Variants in MEX3D observed in about 807,000 individuals in gnomAD.
MEX3D encodes RNA-binding protein MEX3D.
In MEX3D, 4 loss-of-function variants were observed where a neutral mutation model predicts 6.3. The observed-to-expected ratio is 0.64, with a 90% CI of 0.31 to 1.46. MEX3D has a LOEUF of 1.46. MEX3D is among the 40% of genes most tolerant of loss of function. The pLI, the probability that MEX3D is intolerant of heterozygous loss-of-function variation, is 0.07. For missense variants in MEX3D, 1,038 were observed against 994.4 expected, an observed-to-expected ratio of 1.04 and a Z score of -0.59; for synonymous variants, 626 against 494.1, an observed-to-expected ratio of 1.27 and a Z score of -3.54.
At chr19:1,559,753 C>T (rs1046114779) in intron 1 of MEX3D, among the ~76,000 whole-genome samples, 1 of 152,172 alleles carries the variant, frequency 6.6e-6, no homozygotes, top group Non-Finnish European at 1.5e-5. Flanking sequence ...CAGAAACTGC[C>T]TGGGCCAGGA....
intron 1 of MEX3D, among the ~76,000 whole-genome samples, chr19:1,563,387 C>T (rs1178668452): frequency 6.6e-6 from 1 of 152,192 alleles, no homozygotes; most frequent in African/African-American, 2.4e-5. Context: ...GAGCAGCTTC[C>T]AGTCCAGGCC....
At chr19:1,561,631 G>A (rs1914720805) in intron 1 of MEX3D, among the ~76,000 whole-genome samples, 1 of 151,956 alleles carries the variant, frequency 6.6e-6, no homozygotes, top group Admixed American at 6.6e-5. Context: ...GAGGCCAGGA[G>A]TTCGAGACCA....
intron 1 of MEX3D, among the ~76,000 whole-genome samples, chr19:1,557,374 G>A (rs576779606): frequency 3.3e-5 from 5 of 151,792 alleles, no homozygotes; most frequent in South Asian, 2.1e-4. Context: ...AAACCAGCCT[G>A]GCCAACATGG....
chr19:1,555,878 C>T lies in MEX3D; in HGVS notation c.1641G>A (p.Gln547=). Residue 547 remains glutamine, a synonymous_variant, in exon 2 of 2, where the codon CAG becomes CAA. Transcript: ENST00000402693. ...PVGALSWRPP[Q]GPVSFPGGAA... is the part of the protein sequence containing the mutation. ...CGCCGCCTGGGAAGGATACGGGGCCCTGCGGGGGTCGCCAGGACAGCGCGC... is the reference window on the plus strand; with the variant it reads ...CGCCGCCTGGGAAGGATACGGGGCCTTGCGGGGGTCGCCAGGACAGCGCGC... The T allele has an allele frequency of 7.7e-7, 1 of 1,301,268 alleles. No homozygotes were observed. The highest frequency in any genetic ancestry group is 9.7e-7 in the Non-Finnish European group (1 of 1,027,682). The allele number at this position is 1,301,268 out of a possible 1,614,324, so 80.6% of individuals were successfully genotyped here.
Position 1,557,581 on chromosome 19 carries a change from C to T in MEX3D, c.596-658G>A, listed in dbSNP as rs1335824839. 6.5e-5 allele frequency among the ~76,000 whole-genome samples: 9 copies of T among 137,792 alleles called. 1 individual carries two copies. Among genetic ancestry groups the T allele is most frequent in the East Asian group, 2.2e-4 (1 of 4,602 alleles). The allele number at this position is 137,792 out of a possible 152,430, so 90.4% of individuals were successfully genotyped here. A position where few individuals can be genotyped will look rare whatever the true frequency, so the allele number is the denominator to read the frequency against. On this transcript the variant is annotated intron_variant, in intron 1 of 1. Coordinates refer to ENST00000402693, the MANE Select transcript of MEX3D (RefSeq NM_203304.4). ...ACTCCAACTAAAAAAAAAAAAAAAG[C>T]GGGGTGCAGTGGCTCACCCCTGTAA...
intron 1 of MEX3D, among the ~76,000 whole-genome samples, chr19:1,565,537 G>C (rs1026977170): frequency 6.6e-6 from 1 of 152,148 alleles, no homozygotes; most frequent in Non-Finnish European, 1.5e-5. Flanking sequence ...GCGAAACTCC[G>C]TCTCATAAAT....
At position 1,567,997 on chromosome 19, in the gene MEX3D, ACGCCGCCGC is replaced by A. The variant is rs1032675165; in HGVS notation, c.53_61del (p.Gly18_Gly20del). The A allele has an allele frequency of 4.1e-6, 4 of 965,280 alleles. No homozygotes were observed. The highest frequency in any genetic ancestry group is 4.9e-6 in the Non-Finnish European group (4 of 822,108). The allele number at this position is 965,280 out of a possible 1,614,324, so 59.8% of individuals were successfully genotyped here. On this transcript the variant is annotated inframe_deletion, in exon 1 of 2. Coordinates refer to ENST00000402693, the MANE Select transcript of MEX3D (RefSeq NM_203304.4). The surrounding 1 kb of genome is among the most constrained non-coding windows in gnomAD (Gnocchi z 6.5). ...TCCGGGGTCCTCCCCCGCCGCCCCC[ACGCCGCCGC>A]CGCCGCCGCCCCCGCCCCCGCCGCC... is the stretch of plus-strand genomic sequence containing the variant.
chr19:1,555,413 C>T lies in MEX3D; in HGVS notation c.*150G>A, dbSNP rs1797148030. ...GCCTGAGGCGGCAGTTAAAGCTCATCTGTAAACACTGGCCGCCGCCCACCC... is the reference window on the plus strand; with the variant it reads ...GCCTGAGGCGGCAGTTAAAGCTCATTTGTAAACACTGGCCGCCGCCCACCC... On this transcript the variant is annotated 3_prime_UTR_variant, in exon 2 of 2. Coordinates refer to ENST00000402693, the MANE Select transcript of MEX3D (RefSeq NM_203304.4). 6.3e-7 allele frequency: 1 copy of T among 1,597,736 alleles called. No homozygotes were observed. The highest frequency in any genetic ancestry group is 1.8e-4 in the Middle Eastern group (1 of 5,482).
intron 1 of MEX3D, among the ~76,000 whole-genome samples, chr19:1,566,405 G>T (rs1330760252): frequency 4.6e-5 from 7 of 152,180 alleles, no homozygotes; most frequent in Admixed American, 6.5e-5. Flanking sequence ...GGCCATAGAT[G>T]ACCTTGCAAT....
In MEX3D at chr19:1,555,908, C is replaced by T. The variant is rs1267494833; in HGVS notation, c.1611G>A (p.Pro537=). 9 of 1,220,504 alleles carry T rather than the reference C, an allele frequency of 7.4e-6. No individual in the cohort carries two copies. Among genetic ancestry groups the T allele is most frequent in the African/African-American group, 1.6e-5 (1 of 62,082 alleles). 75.6% of individuals were successfully genotyped at this position (1,220,504 alleles called of 1,614,324 possible). ...LPLSRRGAPD[P]VGALSWRPPQ... is the part of the protein sequence containing the mutation. ...GGGGTCGCCAGGACAGCGCGCCCAC[C>T]GGGTCCGGGGCGCCACGGCGAGACA... Residue 537 remains proline, a synonymous_variant, in exon 2 of 2, where the codon CCG becomes CCA. Coordinates refer to ENST00000402693, the MANE Select transcript of MEX3D (RefSeq NM_203304.4).
chr19:1,565,582 T>A (rs1412028860), intron 1 of MEX3D, among the ~76,000 whole-genome samples: 5 of 152,122 alleles, frequency 3.3e-5, no homozygotes, highest in African/African-American at 1.2e-4. Context: ...CCCAGAATCC[T>A]CTACCCTAAT....
rs1358117612 is a variant in MEX3D, at chr19:1,555,775, C to G, written c.1744G>C (p.Glu582Gln). Residue 582 changes from glutamate to glutamine, a missense_variant, in exon 2 of 2, where the codon GAG (glutamate) becomes CAG (glutamine). Physicochemically the swap from Glu to Gln is conservative, Grantham distance 29 (BLOSUM62 2). This residue lies in a region of MEX3D where 581 missense variants were observed against 516.2 expected (regional missense o/e 1.13). Coordinates refer to ENST00000402693, the MANE Select transcript of MEX3D (RefSeq NM_203304.4). Reference protein sequence around the residue: ...ACAPLDSGASENSRKPPSASS... With the variant: ...ACAPLDSGASQNSRKPPSASS... ...GCCGAAGGGGGCTTGCGGCTGTTCT[C>G]GGAGGCGCCGGAGTCCAGGGGGGCG... The G allele has an allele frequency of 1.2e-5, 17 of 1,456,606 alleles. No individual in the cohort carries two copies. The East Asian group carries it at 2.8e-4, about 24-fold the overall frequency. The allele number at this position is 1,456,606 out of a possible 1,614,324, so 90.2% of individuals were successfully genotyped here. A position where few individuals can be genotyped will look rare whatever the true frequency, so the allele number is the denominator to read the frequency against.
chr19:1,558,657 T>C (rs1200588901), intron 1 of MEX3D, among the ~76,000 whole-genome samples: 2 of 152,204 alleles, frequency 1.3e-5, no homozygotes, highest in Non-Finnish European at 2.9e-5. Flanking sequence ...GAAATTCAGA[T>C]TGTGGAAACT....
rs1290510046 is a variant in MEX3D at position 1,567,719 on chromosome 19, T to G, written c.340A>C (p.Thr114Pro). Residue 114 changes from threonine to proline, a missense_variant, in exon 1 of 2, where the codon ACC (threonine) becomes CCC (proline). Thr to Pro is a conservative substitution (Grantham distance 38). Around this residue, in one of 5 missense-constraint regions of MEX3D, gnomAD observed 265 missense variants for 206.3 expected, o/e 1.28. Transcript: ENST00000402693. The surrounding 1 kb of genome is among the most constrained non-coding windows in gnomAD (Gnocchi z 6.5). ...CCGGGGGCCACGGCGGGGGCCAGGGTCGGGGGCGCGCCGGCCTCAGGTCCG... is the reference window on the plus strand; with the variant it reads ...CCGGGGGCCACGGCGGGGGCCAGGGGCGGGGGCGCGCCGGCCTCAGGTCCG... ...PDGPEAGAPP[T>P]LAPAVAPGSL... The G allele has an allele frequency of 1.0e-6, 1 of 997,796 alleles. No homozygotes were observed. The highest frequency in any genetic ancestry group is 1.2e-6 in the Non-Finnish European group (1 of 833,114). The allele number at this position is 997,796 out of a possible 1,614,324, so 61.8% of individuals were successfully genotyped here. A position where few individuals can be genotyped will look rare whatever the true frequency, so the allele number is the denominator to read the frequency against.
At position 1,555,795 on chromosome 19, in the gene MEX3D, G is replaced by A. The variant is rs1473321138; in HGVS notation, c.1724C>T (p.Pro575Leu). Residue 575 changes from proline (P) to leucine (L), a missense_variant, in exon 2 of 2, where the codon CCC (proline) becomes CTC (leucine). Pro to Leu is a moderately conservative substitution (Grantham distance 98). Transcript: ENST00000402693. ...PSSPAAAACA[P>L]LDSGASENSR... ...GTTCTCGGAGGCGCCGGAGTCCAGG[G>A]GGGCGCAGGCGGCGGCCGCGGGGCT... 1 of 1,406,362 alleles carries A rather than the reference G, an allele frequency of 7.1e-7. No individual in the cohort carries two copies. Among genetic ancestry groups the A allele is most frequent in the Non-Finnish European group, 9.2e-7 (1 of 1,090,292 alleles). The allele number at this position is 1,406,362 out of a possible 1,614,324, so 87.1% of individuals were successfully genotyped here. A position where few individuals can be genotyped will look rare whatever the true frequency, so the allele number is the denominator to read the frequency against.
intron 1 of MEX3D, among the ~76,000 whole-genome samples, chr19:1,558,311 G>A (rs1342069824): frequency 1.3e-5 from 2 of 151,190 alleles, no homozygotes; most frequent in Non-Finnish European, 2.9e-5. Context: ...GCTGCAGTGA[G>A]CTATGATCAC....
At position 1,555,229 on chromosome 19, in the gene MEX3D, C is replaced by T; in HGVS notation, c.*334G>A. 2 of 1,229,402 alleles carry T rather than the reference C, an allele frequency of 1.6e-6. No individual in the cohort carries two copies. The highest frequency in any genetic ancestry group is 2.5e-4 in the Middle Eastern group (1 of 3,958). 76.2% of individuals were successfully genotyped at this position (1,229,402 alleles called of 1,614,324 possible). A position where few individuals can be genotyped will look rare whatever the true frequency, so the allele number is the denominator to read the frequency against. On this transcript the variant is annotated 3_prime_UTR_variant, in exon 2 of 2. Transcript: ENST00000402693. Reference sequence around the variant, plus strand: ...TGGAAAAGTCGTGTTTTTTGTTTTGCTTTTTTAAAGATCACCCTGGAGGGG... The same window carrying T: ...TGGAAAAGTCGTGTTTTTTGTTTTGTTTTTTTAAAGATCACCCTGGAGGGG...
chr19:1,555,829 G>C lies in MEX3D; in HGVS notation c.1690C>G (p.Leu564Val). The change falls in exon 2 of 2, where the codon CTG becomes GTG. Residue 564 changes from leucine to valine, a missense_variant. Coordinates refer to ENST00000402693, the MANE Select transcript of MEX3D (RefSeq NM_203304.4). ...GGAAFSTATSLPSSPAAAACA... is the reference protein window; with the variant it reads ...GGAAFSTATSVPSSPAAAACA... The stretch of plus-strand genomic sequence containing the variant: ...GCGGCGGCCGCGGGGCTGCTGGGCA[G>C]CGAGGTGGCCGTGGAGAAGGCGGCG... 7.4e-7 allele frequency: 1 copy of C among 1,354,926 alleles called. No individual in the cohort carries two copies. The highest frequency in any genetic ancestry group is 3.2e-5 in the East Asian group (1 of 31,180). 83.9% of individuals were successfully genotyped at this position (1,354,926 alleles called of 1,614,324 possible). A position where few individuals can be genotyped will look rare whatever the true frequency, so the allele number is the denominator to read the frequency against.
chr19:1,560,737 C>T (rs1325850784), intron 1 of MEX3D, among the ~76,000 whole-genome samples: 1 of 152,182 alleles, frequency 6.6e-6, no homozygotes, highest in Admixed American at 6.5e-5. Context: ...GACGGTGGCG[C>T]TGGGTGGAGA....
Sources: gnomAD v4.1 joint callset for allele counts (sites outside exome capture counted in the v4.1 genomes callset) on GRCh38, gnomAD v4.1.1 for gene constraint, gnomAD v4.1.1 regional missense constraint, Gnocchi (gnomAD v3.1) non-coding constraint, MANE v1.5 for transcripts, NCBI Gene and HGNC (gene_info 2026-07-23, HGNC 2026-07-21) for gene names.